Variants in DNAH17 observed in about 807,000 individuals in gnomAD.
DNAH17 encodes the protein axonemal beta dynein heavy chain 17.
Under a neutral mutation model 485.6 loss-of-function variants are expected in DNAH17, and 376 were observed. The observed-to-expected ratio is 0.77, with a 90% confidence interval of 0.71 to 0.84. DNAH17 has a LOEUF of 0.84. Ranked by LOEUF, DNAH17 falls within the 40% of genes least tolerant of loss-of-function variation. The pLI is 0.00. For missense variants in DNAH17, 6,370 were observed against 5,839.3 expected, an observed-to-expected ratio of 1.09 and a Z score of -2.96; for synonymous variants, 3,031 against 2,405.9, an observed-to-expected ratio of 1.26 and a Z score of -7.60.
At chr17:78,471,517 T>G (rs141901301) in intron 54 of DNAH17, among the ~76,000 whole-genome samples, 1,822 of 152,288 alleles carry the variant, frequency 0.012, 27 homozygotes, top group South Asian at 0.08. Context: ...TTTTCCTTTT[T>G]TGTTCCTTTT....
intron 75 of DNAH17, among the ~76,000 whole-genome samples, chr17:78,431,076 G>A (rs1216829235): frequency 6.8e-6 from 1 of 147,834 alleles, no homozygotes; most frequent in Non-Finnish European, 1.5e-5. Flanking sequence ...ACAGGGTCTT[G>A]CTGTGTTGGC....
intron 56 of DNAH17, among the ~76,000 whole-genome samples, chr17:78,463,281 G>A (rs147159075): frequency 2.6e-5 from 4 of 152,306 alleles, no homozygotes; most frequent in East Asian, 3.9e-4. Flanking sequence ...GTTTAGCTCA[G>A]CGCACAGGAC....
intron 57 of DNAH17, 94 bp from the exon 58 acceptor site, chr17:78,461,802 G>A (rs1043790233): frequency 4.3e-5 from 54 of 1,243,206 alleles, no homozygotes; most frequent in African/African-American, 2.9e-4. Context: ...GCCACAGAGG[G>A]GCAGAACGGC....
At chr17:78,430,273 G>C (rs2086627311) in intron 75 of DNAH17, among the ~76,000 whole-genome samples, 1 of 152,114 alleles carries the variant, frequency 6.6e-6, no homozygotes, top group South Asian at 2.1e-4. Flanking sequence ...TTTTGTGGCA[G>C]CCACTTTAAA....
chr17:78,468,291 T>C (rs2088579959), intron 55 of DNAH17, among the ~76,000 whole-genome samples: 1 of 152,162 alleles, frequency 6.6e-6, no homozygotes, highest in South Asian at 2.1e-4. Flanking sequence ...TCTTCAAAAA[T>C]ACGACACTGT....
intron 20 of DNAH17, 28 bp downstream of exon 20, chr17:78,532,454 G>A: frequency 1.3e-6 from 2 of 1,584,262 alleles, no homozygotes; most frequent in Non-Finnish European, 1.7e-6. Flanking sequence ...TGGAGACAAG[G>A]AGGCTGGTGG....
intron 7 of DNAH17, among the ~76,000 whole-genome samples, chr17:78,569,762 G>T (rs1290805443): frequency 6.6e-6 from 1 of 152,222 alleles, no homozygotes; most frequent in Non-Finnish European, 1.5e-5. Flanking sequence ...ATGATGAGAG[G>T]CCCTCCAGGG....
intron 65 of DNAH17, among the ~76,000 whole-genome samples, chr17:78,451,963 G>T (rs529232251): frequency 6.6e-6 from 1 of 151,854 alleles, no homozygotes; most frequent in Non-Finnish European, 1.5e-5. Context: ...AGCCCTGACC[G>T]AAACCTTCTG....
intron 33 of DNAH17, 157 bp from the exon 34 acceptor site, chr17:78,502,030 T>A: frequency 9.4e-7 from 1 of 1,060,290 alleles, no homozygotes; most frequent in Non-Finnish European, 1.3e-6. Context: ...AGCCAGGCAC[T>A]GGTTTCACCA....
chr17:78,470,415 C>G (rs1015230745), intron 54 of DNAH17, among the ~76,000 whole-genome samples: 11 of 151,428 alleles, frequency 7.3e-5, no homozygotes, highest in African/African-American at 2.4e-4. Context: ...ACAGGCCGGG[C>G]ACGGTGGCTC....
Position 78,425,439 on chromosome 17 carries a change from T to A in DNAH17, c.13048A>T (p.Met4350Leu), listed in dbSNP as rs761566359. ...TTGGTCACCTCGACAGACAGACACA[T>A]CTTGTCCAGGGGCCACTCGTTCTTC... ...ARKNEWPLDKMCLSVEVTKKN... is the reference protein window; with the variant it reads ...ARKNEWPLDKLCLSVEVTKKN... Residue 4350 changes from methionine to leucine, a missense_variant, in exon 80 of 81, where the codon ATG (methionine) becomes TTG (leucine). By Grantham distance (15) the Met-to-Leu change is conservative. Transcript: ENST00000389840. 12 of 1,613,920 alleles carry A rather than the reference T, an allele frequency of 7.4e-6. No homozygotes were observed. The highest frequency in any genetic ancestry group is 1.0e-5 in the Non-Finnish European group (12 of 1,179,884).
chr17:78,473,842 G>T (rs1157710092), intron 54 of DNAH17, among the ~76,000 whole-genome samples: 1 of 152,166 alleles, frequency 6.6e-6, no homozygotes, highest in Non-Finnish European at 1.5e-5. Flanking sequence ...AAACCATACG[G>T]CTCCAGGTTC....
intron 11 of DNAH17, among the ~76,000 whole-genome samples, chr17:78,566,304 G>T (rs962175210): frequency 6.6e-6 from 1 of 152,168 alleles, no homozygotes; most frequent in Non-Finnish European, 1.5e-5. Flanking sequence ...CACTCCTTTT[G>T]AGTAGTGGGA....
At chr17:78,461,846 T>C (rs1011653721) in intron 57 of DNAH17, 138 bp from the exon 58 acceptor site, 7 of 744,498 alleles carry the variant, frequency 9.4e-6, no homozygotes, top group Non-Finnish European at 1.5e-5. Context: ...GTGACTCGTT[T>C]TGGAGAGTCT....
intron 48 of DNAH17, among the ~76,000 whole-genome samples, chr17:78,482,196 C>A (rs1031513604): frequency 6.6e-6 from 1 of 151,136 alleles, no homozygotes; most frequent in Non-Finnish European, 1.5e-5. Flanking sequence ...CCAACCTCAG[C>A]CTCACACTAC....
chr17:78,510,475 A>G lies in DNAH17; in HGVS notation c.4145T>C (p.Leu1382Pro), dbSNP rs950867240. The stretch of plus-strand genomic sequence containing the variant: ...GAGGTTCAGCTGCAGTAAATCTGCC[A>G]GGGTCGTCTCTTCTGACATTTTAAA... ...VKFKMSEETT[L>P]ADLLQLNLHS... The change falls in exon 27 of 81, where the codon CTG becomes CCG. Residue 1382 changes from leucine to proline, a missense_variant. Leu to Pro is a moderately conservative substitution (Grantham distance 98, BLOSUM62 -3). Transcript: ENST00000389840. 4 of 1,613,786 alleles carry G rather than the reference A, an allele frequency of 2.5e-6. No homozygotes were observed. Among genetic ancestry groups the G allele is most frequent in the Admixed American group, 3.3e-5 (2 of 60,002 alleles).
intron 11 of DNAH17, among the ~76,000 whole-genome samples, 175 bp downstream of exon 11, chr17:78,566,439 A>G (rs1241817174): frequency 6.6e-6 from 1 of 152,144 alleles, no homozygotes; most frequent in African/African-American, 2.4e-5. Context: ...AACCATCAGG[A>G]GCTACACTGG....
chr17:78,514,746 C>T (rs1388591798), intron 26 of DNAH17, 28 bp downstream of exon 26: 1 of 1,607,210 alleles, frequency 6.2e-7, no homozygotes, highest in Non-Finnish European at 8.5e-7. Context: ...CAGGGGCGGT[C>T]CCCTCCGCCC....
chr17:78,496,043 G>A lies in DNAH17; in HGVS notation c.5746-11C>T. ...CTGGACACATTTTACCTGCACGGTT[G>A]GTGACACAGACATGTTAGCATGGAA... On this transcript the variant is annotated splice_polypyrimidine_tract_variant and intron_variant, in intron 37 of 80. Coordinates refer to ENST00000389840, the MANE Select transcript of DNAH17 (RefSeq NM_173628.4). 6.2e-7 allele frequency: 1 copy of A among 1,609,700 alleles called. No homozygotes were observed. Among genetic ancestry groups the A allele is most frequent in the Non-Finnish European group, 8.5e-7 (1 of 1,176,850 alleles).
Sources: gnomAD v4.1 joint callset for allele counts (sites outside exome capture counted in the v4.1 genomes callset) on GRCh38, gnomAD v4.1.1 for gene constraint, MANE v1.5 for transcripts, NCBI Gene and HGNC (gene_info 2026-07-23, HGNC 2026-07-21) for gene names.